The following PPP2R2A variants were observed in gnomAD, a reference collection of about 807,000 sequenced individuals.
PPP2R2A encodes serine/threonine-protein phosphatase 2A 55 kDa regulatory subunit B alpha isoform.
PPP2R2A carries 9 observed loss-of-function variants against 53.2 expected under a neutral mutation model. The ratio of observed to expected loss-of-function variants is 0.17; its 90% confidence interval spans 0.10 to 0.30. PPP2R2A has a LOEUF of 0.30. Among genes scored for constraint, PPP2R2A ranks in the 10% least tolerant of loss-of-function variants. PPP2R2A has a pLI of 1.00. For synonymous variants in PPP2R2A, 169 were observed against 174.2 expected, an observed-to-expected ratio of 0.97 and a Z score of 0.23; for missense variants, 235 against 534.6, an observed-to-expected ratio of 0.44 and a Z score of 5.53.
chr8:26,342,426 A>G (rs1585382260), intron 3 of PPP2R2A, among the ~76,000 whole-genome samples: 3 of 152,304 alleles, frequency 2.0e-5, no homozygotes, highest in Admixed American at 2.0e-4. Context: ...GTGGATAATG[A>G]TGTTCTCTAG....
In PPP2R2A at chr8:26,333,281, G is replaced by A. The variant is rs996005097; in HGVS notation, c.83-5609G>A. Among the ~76,000 whole-genome samples, 12 of 152,246 alleles carry A rather than the reference G, an allele frequency of 7.9e-5. 1 individual carries two copies. The Middle Eastern group carries it at 0.01, about 129-fold the overall frequency. On this transcript the variant is annotated intron_variant, in intron 2 of 9. Transcript: ENST00000380737. ...ATTAAAGAATTATTTACAAAAACAG[G>A]TTGTGGGCCGTAGTTTTCCAACCTG...
At chr8:26,361,493 C>T (rs1805079886) in intron 6 of PPP2R2A, among the ~76,000 whole-genome samples, 1 of 152,156 alleles carries the variant, frequency 6.6e-6, no homozygotes, top group Admixed American at 6.5e-5. Flanking sequence ...GTAATCCCAG[C>T]GGTTTGGGAG....
At chr8:26,358,771 C>T (rs1292233419) in intron 4 of PPP2R2A, 1 of 255,390 alleles carries the variant, frequency 3.9e-6, no homozygotes, top group East Asian at 9.1e-5. Context: ...AATCAACATG[C>T]ATGAGCCTAT....
At chr8:26,355,089 A>C (rs1170405795) in intron 4 of PPP2R2A, among the ~76,000 whole-genome samples, 1 of 152,154 alleles carries the variant, frequency 6.6e-6, no homozygotes, top group African/African-American at 2.4e-5. Context: ...GTGTTTGTAA[A>C]CTACACAGAG....
intron 2 of PPP2R2A, among the ~76,000 whole-genome samples, chr8:26,319,816 T>A (rs1486979359): frequency 6.6e-6 from 1 of 152,208 alleles, no homozygotes; most frequent in Non-Finnish European, 1.5e-5. Flanking sequence ...TTTCATTTAT[T>A]TATGTCTTTA....
chr8:26,359,270 C>T (rs940201084), intron 4 of PPP2R2A, among the ~76,000 whole-genome samples: 3 of 152,152 alleles, frequency 2.0e-5, no homozygotes, highest in African/African-American at 7.2e-5. Flanking sequence ...AACTTGATGA[C>T]TAAATGCAGT....
chr8:26,346,847 A>C (rs1251172353), intron 3 of PPP2R2A, among the ~76,000 whole-genome samples: 1 of 152,304 alleles, frequency 6.6e-6, no homozygotes, highest in African/African-American at 2.4e-5. Flanking sequence ...TACCAGTGGA[A>C]AGGACATTGA....
chr8:26,327,991 A>G (rs17055128), intron 2 of PPP2R2A, among the ~76,000 whole-genome samples: 6,878 of 152,258 alleles, frequency 0.045, 526 homozygotes, highest in African/African-American at 0.16. Context: ...AAGGTGATCT[A>G]TAGTACCAGC....
chr8:26,331,986 C>G lies in PPP2R2A; in HGVS notation c.83-6904C>G, dbSNP rs981768632. 3.3e-5 allele frequency among the ~76,000 whole-genome samples: 5 copies of G among 152,274 alleles called. No homozygotes were observed. In the South Asian group the frequency reaches 1.0e-3, roughly 32 times the overall value. The stretch of plus-strand genomic sequence containing the variant: ...AGGGAAATAACAGAATAGGGTTTGT[C>G]AGCATCTTAAGGAATGGATCCTACA... On this transcript the variant is annotated intron_variant, in intron 2 of 9. Coordinates refer to ENST00000380737, the MANE Select transcript of PPP2R2A (RefSeq NM_002717.4).
rs967219402 is a variant in PPP2R2A, at chr8:26,293,981, A to G, written c.82+241A>G. On this transcript the variant is annotated intron_variant, in intron 2 of 9. Coordinates refer to ENST00000380737, the MANE Select transcript of PPP2R2A (RefSeq NM_002717.4). The stretch of plus-strand genomic sequence containing the variant: ...CATGGAAGGAGCGGTAGATGATGAG[A>G]CATATAAGATCCTCACATGAAAGCT... The G allele has an allele frequency of 6.4e-6, 3 of 469,094 alleles. No individual in the cohort carries two copies. In the East Asian group the frequency reaches 1.1e-4, roughly 18 times the overall value. The allele number at this position is 469,094 out of a possible 1,614,324, so 29.1% of individuals were successfully genotyped here.
Position 26,348,277 on chromosome 8 carries a change from A to G in PPP2R2A, c.181-6191A>G, listed in dbSNP as rs17055148. On this transcript the variant is annotated intron_variant, in intron 3 of 9. Coordinates refer to ENST00000380737, the MANE Select transcript of PPP2R2A (RefSeq NM_002717.4). ...ACGGAGCAAAGTAAATATTTCCTACATTTTTGCAGAGTTTCATTTAAGGAA... is the reference window on the plus strand; with the variant it reads ...ACGGAGCAAAGTAAATATTTCCTACGTTTTTGCAGAGTTTCATTTAAGGAA... 5.9e-5 allele frequency among the ~76,000 whole-genome samples: 9 copies of G among 152,210 alleles called. No homozygotes were observed. In the South Asian group the frequency reaches 8.3e-4, roughly 14 times the overall value.
At chr8:26,356,636 A>G (rs1312167612) in intron 4 of PPP2R2A, among the ~76,000 whole-genome samples, 1 of 152,174 alleles carries the variant, frequency 6.6e-6, no homozygotes, top group Non-Finnish European at 1.5e-5. Context: ...ACATAATTAA[A>G]CCATTTATAT....
intron 4 of PPP2R2A, among the ~76,000 whole-genome samples, chr8:26,359,881 A>G (rs1338576510): frequency 3.3e-5 from 5 of 152,216 alleles, no homozygotes; most frequent in East Asian, 3.8e-4. Context: ...ATGCATATCA[A>G]GTTTTTCCCT....
rs141941631 is a variant in PPP2R2A, at chr8:26,303,932, A to G, written c.82+10192A>G. Among the ~76,000 whole-genome samples, 144 of 152,184 alleles carry G rather than the reference A, an allele frequency of 9.5e-4. 1 individual carries two copies. Among genetic ancestry groups the G allele is most frequent in the African/African-American group, 3.0e-3 (125 of 41,520 alleles). On this transcript the variant is annotated intron_variant, in intron 2 of 9. Coordinates refer to ENST00000380737, the MANE Select transcript of PPP2R2A (RefSeq NM_002717.4). ...TACGCTCTTGTAGCTTTTAGTTTCT[A>G]TTGGTTAAATCCTCTCTGTATGTTC...
chr8:26,352,391 A>C (rs1804563606), intron 3 of PPP2R2A, among the ~76,000 whole-genome samples: 1 of 152,210 alleles, frequency 6.6e-6, no homozygotes, highest in Non-Finnish European at 1.5e-5. Flanking sequence ...CCTGTGGTCT[A>C]CTGTCAGTTA....
chr8:26,362,119 A>G lies in PPP2R2A; in HGVS notation c.638-565A>G, dbSNP rs1198090464. ...TAGATTAGAAAAAGATTAGAAAAAG[A>G]AAGATTAAAGATTACGATTAGATTA... On this transcript the variant is annotated intron_variant, in intron 6 of 9. Transcript: ENST00000380737. This position sits in a 1 kb window ranked among gnomAD's most constrained non-coding sequence, Gnocchi z 4.4. Among the ~76,000 whole-genome samples the G allele has an allele frequency of 1.3e-5, 2 of 151,342 alleles. No individual in the cohort carries two copies. Among genetic ancestry groups the G allele is most frequent in the African/African-American group, 2.4e-5 (1 of 41,278 alleles).
At chr8:26,320,188 C>T (rs1270315763) in intron 2 of PPP2R2A, among the ~76,000 whole-genome samples, 11 of 152,138 alleles carry the variant, frequency 7.2e-5, no homozygotes, top group South Asian at 6.2e-4. Flanking sequence ...CCTGTACAGC[C>T]ATATGTGGTA....
chr8:26,369,280 G>A (rs945482216), intron 9 of PPP2R2A, among the ~76,000 whole-genome samples: 2 of 152,046 alleles, frequency 1.3e-5, no homozygotes, highest in Non-Finnish European at 2.9e-5. Context: ...AGGCTGGAGT[G>A]CAGTGGCACA....
intron 3 of PPP2R2A, among the ~76,000 whole-genome samples, chr8:26,348,057 C>T (rs1054287255): frequency 1.2e-4 from 18 of 152,228 alleles, no homozygotes; most frequent in African/African-American, 4.1e-4. Flanking sequence ...AAGACACTGA[C>T]TCTTTTAAAA....
Sources: allele counts gnomAD v4.1 joint callset (sites outside exome capture counted in the v4.1 genomes callset), GRCh38; gene constraint gnomAD v4.1.1; non-coding constraint Gnocchi (gnomAD v3.1); transcripts MANE v1.5; gene names NCBI Gene and HGNC (gene_info 2026-07-23, HGNC 2026-07-21).